Variants in TXNDC11 observed in about 807,000 individuals in gnomAD.
TXNDC11 encodes the protein thioredoxin domain-containing protein 11.
A neutral mutation model predicts 78.0 loss-of-function variants in TXNDC11; 68 were observed. That is an observed-to-expected ratio of 0.87 (90% confidence interval 0.72 to 1.07). TXNDC11 has a LOEUF of 1.07. Ranked by LOEUF, TXNDC11 falls within the 50% of genes least tolerant of loss-of-function variation. TXNDC11 has a pLI of 0.00. For missense variants in TXNDC11, 1,389 were observed against 1,221.8 expected, an observed-to-expected ratio of 1.14 and a Z score of -2.04; for synonymous variants, 571 against 495.2, an observed-to-expected ratio of 1.15 and a Z score of -2.03.
At chr16:11,711,480 C>G (rs150468597) in intron 5 of TXNDC11, among the ~76,000 whole-genome samples, 5 of 152,298 alleles carry the variant, frequency 3.3e-5, no homozygotes, top group Non-Finnish European at 5.9e-5. Context: ...CAAAGGTTAC[C>G]CACATCCCTT....
intron 8 of TXNDC11, among the ~76,000 whole-genome samples, chr16:11,689,467 A>G (rs2287201): frequency 0.11 from 17,467 of 152,216 alleles, 2,397 homozygotes; most frequent in African/African-American, 0.32. Context: ...TTCTGAAACT[A>G]GCCTAGAGAC....
intron 1 of TXNDC11, chr16:11,741,857 A>T (rs1400750773): frequency 6.6e-6 from 1 of 152,062 alleles, no homozygotes; most frequent in Non-Finnish European, 1.5e-5. Flanking sequence ...ACGTGGTGAA[A>T]CTCTGTCTCT....
intron 10 of TXNDC11, among the ~76,000 whole-genome samples, chr16:11,685,541 CGGGAGGCTGA>C (rs1164199767): frequency 6.6e-6 from 1 of 151,454 alleles, no homozygotes; most frequent in Non-Finnish European, 1.5e-5. Flanking sequence ...CCCAGCTACT[CGGGAGGCTGA>C]GGCAGGAGAA....
intron 3 of TXNDC11, 33 bp downstream of exon 3, chr16:11,733,949 T>A: frequency 6.8e-7 from 1 of 1,479,004 alleles, no homozygotes; most frequent in Non-Finnish European, 9.4e-7. Flanking sequence ...CAAACTAAAC[T>A]GGAATGAGAG....
chr16:11,686,670 C>G (rs2050575345), intron 10 of TXNDC11, among the ~76,000 whole-genome samples: 2 of 152,198 alleles, frequency 1.3e-5, no homozygotes, highest in African/African-American at 4.8e-5. Context: ...TACTTTGTTA[C>G]TGTTTTAATT....
At chr16:11,725,356 T>C (rs77298783) in intron 4 of TXNDC11, among the ~76,000 whole-genome samples, 2 of 115,446 alleles carry the variant, frequency 1.7e-5, no homozygotes, top group East Asian at 4.4e-4. Context: ...AGTATTCATT[T>C]AGAAAAAAAA....
Position 11,742,790 on chromosome 16 carries a change from C to T in TXNDC11, c.-60G>A. ...CGCCGCCTCGGGCCCGAAGGCCCGGCCCGGCCCGTTGCTCCCCAATCCCGC... is the reference window on the plus strand; with the variant it reads ...CGCCGCCTCGGGCCCGAAGGCCCGGTCCGGCCCGTTGCTCCCCAATCCCGC... On this transcript the variant is annotated 5_prime_UTR_variant, in exon 1 of 12. Transcript: ENST00000283033. The T allele has an allele frequency of 7.2e-7, 1 of 1,397,064 alleles. No individual in the cohort carries two copies. The highest frequency in any genetic ancestry group is 9.2e-7 in the Non-Finnish European group (1 of 1,081,200). The allele number at this position is 1,397,064 out of a possible 1,614,324, so 86.5% of individuals were successfully genotyped here. A position where few individuals can be genotyped will look rare whatever the true frequency, so the allele number is the denominator to read the frequency against.
In TXNDC11 at chr16:11,710,806, C is replaced by T. The variant is rs538103485; in HGVS notation, c.794-10242G>A. On this transcript the variant is annotated intron_variant, in intron 5 of 11. Coordinates refer to ENST00000283033, the MANE Select transcript of TXNDC11 (RefSeq NM_015914.7). ...CTCTAGCTTGGGCAACAGAGTGAGA[C>T]CCTGTCAAATAAATAAATAAACATT... Among the ~76,000 whole-genome samples, 34 of 152,298 alleles carry T rather than the reference C, an allele frequency of 2.2e-4. 1 individual carries two copies. In the South Asian group the frequency reaches 7.1e-3, roughly 32 times the overall value.
At chr16:11,693,395 C>T (rs1339842851) in intron 7 of TXNDC11, among the ~76,000 whole-genome samples, 1 of 152,120 alleles carries the variant, frequency 6.6e-6, no homozygotes, top group Admixed American at 6.5e-5. Context: ...AAGAGTCTGT[C>T]AACTTGAATC....
At chr16:11,727,711 G>A (rs954911101) in intron 4 of TXNDC11, among the ~76,000 whole-genome samples, 1 of 128,200 alleles carries the variant, frequency 7.8e-6, no homozygotes, top group African/African-American at 3.1e-5. Flanking sequence ...TCAAGGCACT[G>A]TTTAATTTTC....
intron 6 of TXNDC11, among the ~76,000 whole-genome samples, chr16:11,700,029 C>T (rs1187339300): frequency 2.0e-5 from 3 of 152,216 alleles, no homozygotes; most frequent in Non-Finnish European, 4.4e-5. Flanking sequence ...CTTCAAAAAT[C>T]CATTACATCA....
chr16:11,716,110 G>A (rs1183183988), intron 5 of TXNDC11, among the ~76,000 whole-genome samples: 3 of 152,186 alleles, frequency 2.0e-5, no homozygotes, highest in Non-Finnish European at 4.4e-5. Context: ...TAAATATTTT[G>A]TTCCAAGTTT....
intron 3 of TXNDC11, among the ~76,000 whole-genome samples, chr16:11,733,298 C>T (rs894873465): frequency 1.3e-5 from 2 of 151,702 alleles, no homozygotes; most frequent in Non-Finnish European, 2.9e-5. Context: ...AAACTCTTTC[C>T]GTTTTTCAGC....
At chr16:11,720,465 G>C (rs1265140591) in intron 5 of TXNDC11, among the ~76,000 whole-genome samples, 1 of 150,530 alleles carries the variant, frequency 6.6e-6, no homozygotes, top group Non-Finnish European at 1.5e-5. Flanking sequence ...ACCCAGGCTG[G>C]AGTGCAATGG....
At chr16:11,733,939 C>A in intron 3 of TXNDC11, 43 bp downstream of exon 3, 1 of 1,416,300 alleles carries the variant, frequency 7.1e-7, no homozygotes, top group South Asian at 1.2e-5. Flanking sequence ...TATAAACTGG[C>A]AAACTAAACT....
chr16:11,685,409 G>A (rs970291474), intron 10 of TXNDC11, among the ~76,000 whole-genome samples: 4 of 151,586 alleles, frequency 2.6e-5, no homozygotes, highest in Non-Finnish European at 5.9e-5. Flanking sequence ...ACTTTAGGAG[G>A]CCGAGGCAGG....
At chr16:11,700,395 AC>A (rs2050978642) in intron 6 of TXNDC11, 56 bp downstream of exon 6, 1 of 785,972 alleles carries the variant, frequency 1.3e-6, no homozygotes. Context: ...GGAGTCTGTG[AC>A]CTAAACAAGG....
intron 5 of TXNDC11, among the ~76,000 whole-genome samples, chr16:11,708,655 C>T (rs545608704): frequency 3.3e-5 from 5 of 152,222 alleles, no homozygotes; most frequent in Non-Finnish European, 7.3e-5. Flanking sequence ...CCAACATATG[C>T]TTCAAAACAA....
intron 5 of TXNDC11, among the ~76,000 whole-genome samples, chr16:11,705,043 C>A (rs893595371): frequency 6.6e-6 from 1 of 151,938 alleles, no homozygotes; most frequent in African/African-American, 2.4e-5. Context: ...TATAGGCATG[C>A]ACCCCCATGT....
Sources: gnomAD v4.1 joint callset for allele counts (sites outside exome capture counted in the v4.1 genomes callset) on GRCh38, gnomAD v4.1.1 for gene constraint, MANE v1.5 for transcripts, NCBI Gene and HGNC (gene_info 2026-07-23, HGNC 2026-07-21) for gene names.